The following MKLN1 variants were observed in gnomAD, a reference collection of about 807,000 sequenced individuals.
MKLN1 encodes the protein muskelin 1.
MKLN1 carries 18 observed loss-of-function variants against 99.0 expected under a neutral mutation model. The ratio of observed to expected loss-of-function variants is 0.18; its 90% CI spans 0.13 to 0.27. MKLN1 has a LOEUF of 0.27. Among genes scored for constraint, MKLN1 ranks in the 10% least tolerant of loss-of-function variants. The probability of loss-of-function intolerance (pLI) is 1.00; values close to 1 mark genes in which losing one functional copy is unlikely to be tolerated. For synonymous variants in MKLN1, 288 were observed against 293.2 expected, an observed-to-expected ratio of 0.98 and a Z score of 0.18; for missense variants, 621 against 875.9, an observed-to-expected ratio of 0.71 and a Z score of 3.67.
intron 3 of MKLN1, among the ~76,000 whole-genome samples, chr7:131,300,674 T>A (rs1422465619): frequency 7.8e-6 from 1 of 128,010 alleles, no homozygotes. Flanking sequence ...GGTGACACAG[T>A]GAGACCCTGT....
rs192271066 is a variant in MKLN1, at chr7:131,353,244, G to A, written c.99-22180G>A. On this transcript the variant is annotated intron_variant, in intron 1 of 17. Transcript: ENST00000352689. ...CCATCAACAATGTATGAGGGATCCA[G>A]TTTCTCTGAATCCTTGTGAGCATTT... 3.3e-5 allele frequency among the ~76,000 whole-genome samples: 5 copies of A among 152,176 alleles called. No homozygotes were observed. The East Asian group carries it at 9.7e-4, about 29-fold the overall frequency.
intron 12 of MKLN1, among the ~76,000 whole-genome samples, chr7:131,453,317 G>T (rs1193993530): frequency 6.6e-6 from 1 of 152,172 alleles, no homozygotes; most frequent in Admixed American, 6.5e-5. Context: ...CCAAAGTACA[G>T]ACTAATGGGA....
chr7:131,358,068 C>G (rs995790805), intron 1 of MKLN1, among the ~76,000 whole-genome samples: 15 of 151,956 alleles, frequency 9.9e-5, no homozygotes, highest in Non-Finnish European at 5.9e-5. Flanking sequence ...CCCCGCTTAT[C>G]TTATTGGATT....
rs578197031 is a variant in MKLN1 at position 131,165,305 on chromosome 7, C to T, written c.-297+22364C>T. 1.4e-4 allele frequency among the ~76,000 whole-genome samples: 21 copies of T among 152,276 alleles called. No homozygotes were observed. In the South Asian group the frequency reaches 4.1e-3, roughly 30 times the overall value. On this transcript the variant is annotated intron_variant, in intron 2 of 7. Transcript: ENST00000416992. Reference sequence around the variant, plus strand: ...GGTTCAAGCGATTTTCCTGCCTCAGCCTCCTGAGTAGCTGGGATTACAGGC... The same window carrying T: ...GGTTCAAGCGATTTTCCTGCCTCAGTCTCCTGAGTAGCTGGGATTACAGGC...
chr7:131,266,223 A>G (rs1177477240), intron 3 of MKLN1, among the ~76,000 whole-genome samples: 1 of 151,716 alleles, frequency 6.6e-6, no homozygotes, highest in Admixed American at 6.6e-5. Context: ...TGTTGTCTAT[A>G]GAATAAAGAG....
At chr7:131,400,518 A>AAATATATAT (rs527702723) in intron 6 of MKLN1, among the ~76,000 whole-genome samples, 3,323 of 137,198 alleles carry the variant, frequency 0.024, 84 homozygotes, top group East Asian at 0.1. Context: ...ATAAAAAAAA[A>AAATATATAT]ATATATATAT....
At chr7:131,284,889 GC>G (rs946682969) in intron 3 of MKLN1, among the ~76,000 whole-genome samples, 12 of 152,210 alleles carry the variant, frequency 7.9e-5, no homozygotes, top group African/African-American at 2.4e-4. Flanking sequence ...AGAGTGACCA[GC>G]CAGCAGGCTC....
Position 131,399,305 on chromosome 7 carries a change from C to T in MKLN1, c.575C>T (p.Ala192Val). ...KHFRQHNYTE[A>V]FESLQKKTKI... ...TTCAGACAACACAACTATACAGAAG[C>T]TTTTGAGTCACTGCAAAAGAAAACC... Residue 192 changes from alanine to valine, a missense_variant, in exon 6 of 18, where the codon GCT (alanine) becomes GTT (valine). Around this residue, in one of 8 missense-constraint regions of MKLN1, gnomAD observed 361 missense variants for 540.8 expected, o/e 0.67. Transcript: ENST00000352689. The T allele has an allele frequency of 6.2e-7, 1 of 1,613,986 alleles. No individual in the cohort carries two copies. Among genetic ancestry groups the T allele is most frequent in the Middle Eastern group, 1.7e-4 (1 of 6,060 alleles).
intron 1 of MKLN1, among the ~76,000 whole-genome samples, chr7:131,129,750 A>G (rs2116222346): frequency 6.6e-6 from 1 of 152,186 alleles, no homozygotes; most frequent in East Asian, 1.9e-4. Flanking sequence ...ATTTTTTAAA[A>G]CTTTTTTTAG....
At chr7:131,322,167 G>A (rs1046173850) in intron 3 of MKLN1, among the ~76,000 whole-genome samples, 4 of 152,104 alleles carry the variant, frequency 2.6e-5, no homozygotes, top group Admixed American at 1.3e-4. Context: ...TTTTTTGTTT[G>A]TGTGTTTGTT....
At chr7:131,366,925 G>A (rs1208353026) in intron 1 of MKLN1, among the ~76,000 whole-genome samples, 1 of 152,136 alleles carries the variant, frequency 6.6e-6, no homozygotes, top group African/African-American at 2.4e-5. Flanking sequence ...AACCTAAAAT[G>A]TCAAATAAAT....
chr7:131,450,032 T>C (rs1176975441), intron 12 of MKLN1, among the ~76,000 whole-genome samples: 1 of 152,172 alleles, frequency 6.6e-6, no homozygotes, highest in African/African-American at 2.4e-5. Context: ...GGTTCACTAA[T>C]CTAGCCAGTT....
chr7:131,338,826 G>A (rs549974025), intron 1 of MKLN1, among the ~76,000 whole-genome samples: 70 of 152,298 alleles, frequency 4.6e-4, no homozygotes, highest in Admixed American at 3.5e-3. Context: ...GAACAACATG[G>A]ATTTGAATTT....
rs1321998954 is a variant in MKLN1 at position 131,313,891 on chromosome 7, T to A, written c.-178-61533T>A. Among the ~76,000 whole-genome samples the A allele has an allele frequency of 2.0e-5, 3 of 152,336 alleles. No homozygotes were observed. The East Asian group carries it at 5.8e-4, about 29-fold the overall frequency. On this transcript the variant is annotated intron_variant, in intron 3 of 7. Transcript: ENST00000416992. The stretch of plus-strand genomic sequence containing the variant: ...TGAAGGCAGAGCATCTAGAGCTTTA[T>A]AAATTAAGGATTCCATTTTTAGGCT...
chr7:131,346,333 G>A (rs868487957), intron 1 of MKLN1, among the ~76,000 whole-genome samples: 2 of 152,140 alleles, frequency 1.3e-5, no homozygotes, highest in African/African-American at 4.8e-5. Context: ...GACCAGCCTG[G>A]CCAACATGGT....
intron 16 of MKLN1, among the ~76,000 whole-genome samples, chr7:131,471,360 G>C (rs1412591388): frequency 6.6e-6 from 1 of 152,204 alleles, no homozygotes; most frequent in East Asian, 1.9e-4. Flanking sequence ...AAAATGAAGA[G>C]AGGTTGGTGG....
chr7:131,271,033 G>A (rs943204602), intron 3 of MKLN1, among the ~76,000 whole-genome samples: 1 of 151,976 alleles, frequency 6.6e-6, no homozygotes, highest in Non-Finnish European at 1.5e-5. Context: ...TATTCACTAT[G>A]CTAAACTGTC....
chr7:131,460,123 T>C (rs570403408), intron 12 of MKLN1, among the ~76,000 whole-genome samples: 189 of 152,328 alleles, frequency 1.2e-3, no homozygotes, highest in African/African-American at 4.4e-3. Context: ...TATTCTTGTT[T>C]TGCACATGAA....
chr7:131,327,774 A>G, upstream of MKLN1: 2 of 1,431,118 alleles, frequency 1.4e-6, no homozygotes, highest in Non-Finnish European at 9.1e-7. Context: ...GGGCTCGGGT[A>G]ACGATGCGGG....
Sources: allele counts gnomAD v4.1 joint callset (sites outside exome capture counted in the v4.1 genomes callset), GRCh38; gene constraint gnomAD v4.1.1; regional missense constraint gnomAD v4.1.1; transcripts MANE v1.5; gene names NCBI Gene and HGNC (gene_info 2026-07-23, HGNC 2026-07-21).